MAST2: variants seen among roughly 807,000 people sequenced by gnomAD.
The protein encoded by MAST2 is microtubule associated serine/threonine kinase 2.
A neutral mutation model predicts 147.4 loss-of-function variants in MAST2; 70 were observed. The observed-to-expected ratio is 0.47, with a 90% CI of 0.39 to 0.58. The LOEUF (loss-of-function observed/expected upper bound fraction) is 0.58. Among genes scored for constraint, MAST2 ranks in the 20% least tolerant of loss-of-function variants. MAST2 has a pLI of 0.00. For synonymous variants in MAST2, 869 were observed against 896.8 expected (o/e 0.97, Z 0.55); for missense variants, 2,080 against 2,302.3 (o/e 0.90, Z 1.98).
chr1:45,833,670 A>C (rs1446163568), intron 3 of MAST2, among the ~76,000 whole-genome samples: 4 of 152,126 alleles, frequency 2.6e-5, no homozygotes, highest in African/African-American at 9.7e-5. Context: ...GCATTTCTCT[A>C]GTGACTCATG....
chr1:45,948,334 A>G (rs1276568719), intron 4 of MAST2, among the ~76,000 whole-genome samples: 3 of 152,192 alleles, frequency 2.0e-5, no homozygotes, highest in Admixed American at 6.5e-5. Context: ...TATTGCCTGA[A>G]GCAATTTATA....
intron 3 of MAST2, among the ~76,000 whole-genome samples, chr1:45,849,436 C>T (rs908292142): frequency 7.2e-5 from 11 of 152,024 alleles, no homozygotes; most frequent in African/African-American, 2.7e-4. Flanking sequence ...CACCTATGAC[C>T]ATGTGATCTG....
intron 10 of MAST2, among the ~76,000 whole-genome samples, chr1:46,018,429 TCAGAATAGTTTAAA>T (rs1284538077): frequency 4.6e-5 from 7 of 152,160 alleles, no homozygotes; most frequent in African/African-American, 1.7e-4. Context: ...AGAAACTGAT[TCAGAATAGTTTAAA>T]CAGTAAAGGG....
At chr1:45,979,926 G>C (rs1263095694) in intron 5 of MAST2, among the ~76,000 whole-genome samples, 1 of 152,206 alleles carries the variant, frequency 6.6e-6, no homozygotes, top group East Asian at 1.9e-4. Context: ...GGCAGGAACA[G>C]AAAATAAAAT....
At chr1:45,823,503 T>C (rs12094901) in intron 1 of MAST2, among the ~76,000 whole-genome samples, 50,282 of 151,778 alleles carry the variant, frequency 0.33, 8,611 homozygotes, top group African/African-American at 0.41. Flanking sequence ...GCCTGGCTAA[T>C]TTTTGTATTT....
intron 3 of MAST2, among the ~76,000 whole-genome samples, chr1:45,847,837 G>A (rs1196250122): frequency 2.0e-5 from 3 of 152,072 alleles, no homozygotes; most frequent in South Asian, 2.1e-4. Context: ...CACTATGCCC[G>A]GCCAGTACTA....
intron 5 of MAST2, among the ~76,000 whole-genome samples, chr1:45,964,503 T>C (rs576973860): frequency 5.3e-5 from 8 of 152,348 alleles, no homozygotes; most frequent in African/African-American, 1.9e-4. Context: ...TTCATTTGCA[T>C]AGAGGTGTTT....
intron 9 of MAST2, among the ~76,000 whole-genome samples, chr1:46,010,121 A>G (rs1327182969): frequency 2.0e-5 from 3 of 152,182 alleles, no homozygotes; most frequent in Non-Finnish European, 4.4e-5. Context: ...GCACCTGCCT[A>G]ACTCCCTTGG....
At chr1:46,011,666 A>G (rs945007152) in intron 10 of MAST2, among the ~76,000 whole-genome samples, 4 of 152,190 alleles carry the variant, frequency 2.6e-5, no homozygotes, top group Non-Finnish European at 5.9e-5. Context: ...AGAGCTCATC[A>G]CATCACTAGA....
chr1:46,032,537 C>T (rs1484541312), intron 25 of MAST2, 59 bp from the exon 26 acceptor site: 2 of 1,603,106 alleles, frequency 1.2e-6, no homozygotes, highest in Admixed American at 3.4e-5. Context: ...ATGTCCAGAA[C>T]CAGGCCCCAT....
intron 5 of MAST2, among the ~76,000 whole-genome samples, chr1:45,985,609 GTCCTTTGTATT>G (rs1218067231): frequency 1.3e-5 from 2 of 152,172 alleles, no homozygotes; most frequent in Admixed American, 1.3e-4. Flanking sequence ...CTGGCGTCTT[GTCCTTTGTATT>G]TCCATATGAA....
intron 3 of MAST2, among the ~76,000 whole-genome samples, chr1:45,876,773 T>C (rs1377918203): frequency 6.6e-6 from 1 of 152,208 alleles, no homozygotes; most frequent in African/African-American, 2.4e-5. Flanking sequence ...GGGCATCAAA[T>C]GCAGGCTTTT....
intron 3 of MAST2, among the ~76,000 whole-genome samples, chr1:45,851,192 A>G (rs1017021994): frequency 5.3e-5 from 8 of 151,780 alleles, no homozygotes; most frequent in East Asian, 1.9e-4. Flanking sequence ...CCTTGGTTAG[A>G]TGTATTCTTA....
rs769979054 is a variant in MAST2 at position 45,846,218 on chromosome 1, T to TA, written c.468+16646dup. Among the ~76,000 whole-genome samples, 99 of 150,702 alleles carry TA rather than the reference T, an allele frequency of 6.6e-4. 1 individual carries two copies. Among genetic ancestry groups the TA allele is most frequent in the African/African-American group, 1.1e-3 (47 of 41,110 alleles). On this transcript the variant is annotated intron_variant, in intron 3 of 28. Transcript: ENST00000361297. ...TTTTATCACATTTTCCCTTATGTTG[T>TA]AAAAAAAAAGAAAATAGGTTTAATG... is the stretch of plus-strand genomic sequence containing the variant.
chr1:45,936,606 C>G lies in MAST2; in HGVS notation c.501-22780C>G, dbSNP rs140450134. ...CTGTGTAACTAATCTCCTTTTGTAA[C>G]CACCAGCCTTCTGTGTGTATGCCCT... On this transcript the variant is annotated intron_variant, in intron 4 of 28. Transcript: ENST00000361297. 7.5e-3 allele frequency among the ~76,000 whole-genome samples: 1,147 copies of G among 152,206 alleles called. 8 individuals are homozygous for G. The highest frequency in any genetic ancestry group is 0.013 in the Non-Finnish European group (889 of 68,014).
intron 4 of MAST2, among the ~76,000 whole-genome samples, chr1:45,907,882 TG>T (rs1346631656): frequency 7.2e-5 from 11 of 152,212 alleles, no homozygotes; most frequent in African/African-American, 2.7e-4. Flanking sequence ...AAGTCAGTTT[TG>T]GTAAGTTATT....
intron 5 of MAST2, among the ~76,000 whole-genome samples, chr1:45,966,225 G>A (rs1381347665): frequency 6.6e-6 from 1 of 151,948 alleles, no homozygotes; most frequent in African/African-American, 2.4e-5. Flanking sequence ...ATATCCTGTT[G>A]TCTGGTTATA....
At chr1:46,032,078 G>A in intron 24 of MAST2, 100 bp from the exon 25 acceptor site, 6 of 916,010 alleles carry the variant, frequency 6.6e-6, no homozygotes, top group Non-Finnish European at 7.1e-6. Flanking sequence ...CCTAGGCTCA[G>A]GCTCTGTCTG....
chr1:45,925,191 C>T (rs967998408), intron 4 of MAST2, among the ~76,000 whole-genome samples: 9 of 152,080 alleles, frequency 5.9e-5, no homozygotes, highest in Non-Finnish European at 1.2e-4. Context: ...AATTGTTGCC[C>T]GTAATAATTT....
Sources: gnomAD v4.1 joint callset for allele counts (sites outside exome capture counted in the v4.1 genomes callset) on GRCh38, gnomAD v4.1.1 for gene constraint, MANE v1.5 for transcripts, NCBI Gene and HGNC (gene_info 2026-07-23, HGNC 2026-07-21) for gene names.